Variants in NALCN observed in about 807,000 individuals in gnomAD.
NALCN encodes the protein sodium leak channel, non-selective.
NALCN carries 111 observed loss-of-function variants against 225.3 expected under a neutral mutation model. The observed-to-expected ratio is 0.49, with a 90% CI of 0.42 to 0.58. The LOEUF (loss-of-function observed/expected upper bound fraction) is 0.58, where lower values mean the gene tolerates loss of function less well. Ranked by LOEUF, NALCN falls within the 20% of genes least tolerant of loss-of-function variation. The probability of loss-of-function intolerance (pLI) is 0.00; values close to 1 mark genes in which losing one functional copy is unlikely to be tolerated. For missense variants in NALCN, 1,378 were observed against 2,202.4 expected, an observed-to-expected ratio of 0.63 and a Z score of 7.49; for synonymous variants, 764 against 769.0, an observed-to-expected ratio of 0.99 and a Z score of 0.11.
chr13:101,149,166 G>A lies in NALCN; in HGVS notation c.1840-4270C>T, dbSNP rs370266341. ...AAATTAGCTGGGCGTGGTGGCAGGC[G>A]CCTGTAGTCCCAGCTACTAGGGAGG... On this transcript the variant is annotated intron_variant, in intron 15 of 43. Coordinates refer to ENST00000251127, the MANE Select transcript of NALCN (RefSeq NM_052867.4). Among the ~76,000 whole-genome samples, 507 of 152,172 alleles carry A rather than the reference G, an allele frequency of 3.3e-3. 3 individuals are homozygous for A. Among genetic ancestry groups the A allele is most frequent in the African/African-American group, 0.011 (477 of 41,522 alleles).
intron 13 of NALCN, among the ~76,000 whole-genome samples, chr13:101,200,367 T>C (rs1194689016): frequency 6.6e-6 from 1 of 152,182 alleles, no homozygotes. Flanking sequence ...AAATCCAACC[T>C]TAGTCCTTGC....
Position 101,345,324 on chromosome 13 carries a change from G to T in NALCN, c.741C>A (p.Asp247Glu), listed in dbSNP as rs975027992. 1 of 1,613,694 alleles carries T rather than the reference G, an allele frequency of 6.2e-7. No individual in the cohort carries two copies. ...GCCTGCTAAGTCCCAGATCTTCAAG[G>T]TCCATGCATTTAAATCCAGGTGGGC... ...YQCPPGFKCMDLEDLGLSRQE... is the reference protein window; with the variant it reads ...YQCPPGFKCMELEDLGLSRQE... Residue 247 changes from aspartate (D) to glutamate (E), a missense_variant, in exon 7 of 44, where the codon GAC (aspartate) becomes GAA (glutamate). Physicochemically the swap from Asp to Glu is conservative, Grantham distance 45. Coordinates refer to ENST00000251127, the MANE Select transcript of NALCN (RefSeq NM_052867.4).
In NALCN at chr13:101,164,521, G is replaced by A. The variant is rs944883426; in HGVS notation, c.1839+11779C>T. On this transcript the variant is annotated intron_variant, in intron 15 of 43. Transcript: ENST00000251127. ...GCCCAGGTTGGTCTCCAACTACTGG[G>A]CTCAAGCGATCCTCCCACCTTGGCC... 5.3e-5 allele frequency among the ~76,000 whole-genome samples: 8 copies of A among 152,150 alleles called. 1 individual carries two copies. The highest frequency in any genetic ancestry group is 2.6e-4 in the Admixed American group (4 of 15,282).
chr13:101,175,692 G>C (rs1465046845), intron 15 of NALCN, among the ~76,000 whole-genome samples: 1 of 152,140 alleles, frequency 6.6e-6, no homozygotes, highest in East Asian at 1.9e-4. Context: ...TATCCTCCAT[G>C]CAACAGAAGC....
chr13:101,217,557 T>TA (rs1657561871), intron 13 of NALCN, among the ~76,000 whole-genome samples: 1 of 152,158 alleles, frequency 6.6e-6, no homozygotes, highest in Admixed American at 6.6e-5. Context: ...TATATACTGA[T>TA]AGAGTCCTAG....
intron 13 of NALCN, among the ~76,000 whole-genome samples, chr13:101,201,308 A>G (rs937660615): frequency 6.6e-6 from 1 of 152,206 alleles, no homozygotes. Context: ...TTTATCCCCA[A>G]AAGAAGCTAC....
intron 7 of NALCN, among the ~76,000 whole-genome samples, chr13:101,313,072 G>T (rs2044411322): frequency 6.6e-6 from 1 of 152,156 alleles, no homozygotes; most frequent in Admixed American, 6.5e-5. Flanking sequence ...ACAAAAACAA[G>T]AAATGGGGAA....
At chr13:101,130,889 C>T (rs1430613775) in intron 17 of NALCN, among the ~76,000 whole-genome samples, 2 of 152,068 alleles carry the variant, frequency 1.3e-5, no homozygotes, top group African/African-American at 4.8e-5. Context: ...TTTTATGTTT[C>T]AGAAAAGTTT....
At chr13:101,357,998 A>C (rs2046113685) in intron 6 of NALCN, among the ~76,000 whole-genome samples, 1 of 152,186 alleles carries the variant, frequency 6.6e-6, no homozygotes, top group Non-Finnish European at 1.5e-5. Context: ...GAAAACTAAA[A>C]CTGGACCCCT....
chr13:101,092,658 A>G (rs1362032974), intron 28 of NALCN, among the ~76,000 whole-genome samples: 1 of 152,102 alleles, frequency 6.6e-6, no homozygotes, highest in East Asian at 1.9e-4. Flanking sequence ...TTGTACCCTT[A>G]GCCTTTCTGT....
intron 15 of NALCN, among the ~76,000 whole-genome samples, chr13:101,165,223 A>G (rs1225426531): frequency 6.6e-6 from 1 of 152,198 alleles, no homozygotes; most frequent in Non-Finnish European, 1.5e-5. Context: ...TCAGCCAGCA[A>G]CCAGGTGGTC....
chr13:101,222,970 C>G (rs2041001596), intron 13 of NALCN, among the ~76,000 whole-genome samples: 1 of 152,122 alleles, frequency 6.6e-6, no homozygotes. Flanking sequence ...ACCAATCACC[C>G]AATTCCCCAA....
At chr13:101,279,640 C>G (rs563055190) in intron 10 of NALCN, among the ~76,000 whole-genome samples, 1 of 147,370 alleles carries the variant, frequency 6.8e-6, no homozygotes, top group African/African-American at 2.4e-5. Flanking sequence ...AACGGTGAAA[C>G]CCCGTCTCTA....
intron 7 of NALCN, among the ~76,000 whole-genome samples, chr13:101,295,022 T>C (rs1427287645): frequency 6.6e-6 from 1 of 152,124 alleles, no homozygotes. Flanking sequence ...AGAAGAGCCC[T>C]GGCAAGATAA....
Position 101,220,049 on chromosome 13 carries a change from G to A in NALCN, c.1626+9344C>T, listed in dbSNP as rs190783106. ...GATTCAGGGTGAGTGCCCTCCCCAA[G>A]CCTCCCATGTGCTTCCACACTTTAT... On this transcript the variant is annotated intron_variant, in intron 13 of 43. Transcript: ENST00000251127. Among the ~76,000 whole-genome samples the A allele has an allele frequency of 2.2e-3, 336 of 152,260 alleles. 2 individuals are homozygous for A. The highest frequency in any genetic ancestry group is 7.7e-3 in the African/African-American group (320 of 41,558).
At chr13:101,092,118 G>T (rs543265187) in intron 28 of NALCN, among the ~76,000 whole-genome samples, 1 of 152,202 alleles carries the variant, frequency 6.6e-6, no homozygotes, top group African/African-American at 2.4e-5. Flanking sequence ...TGAAAAGGTT[G>T]TCATTTTTTC....
At chr13:101,266,814 C>T (rs1409323271) in intron 10 of NALCN, among the ~76,000 whole-genome samples, 1 of 152,184 alleles carries the variant, frequency 6.6e-6, no homozygotes, top group African/African-American at 2.4e-5. Flanking sequence ...GCAAGTGGGA[C>T]ATCTTTTGCT....
At chr13:101,338,298 C>A (rs2045447506) in intron 7 of NALCN, among the ~76,000 whole-genome samples, 1 of 152,154 alleles carries the variant, frequency 6.6e-6, no homozygotes, top group South Asian at 2.1e-4. Context: ...GCTTCCTCTG[C>A]TATAAGCTGT....
chr13:101,407,617 G>GA (rs534992191), intron 1 of NALCN, among the ~76,000 whole-genome samples: 43 of 152,294 alleles, frequency 2.8e-4, no homozygotes, highest in Non-Finnish European at 5.1e-4. Flanking sequence ...ACACCTCTCT[G>GA]AAGTAGTTTT....
Sources: allele counts gnomAD v4.1 joint callset (sites outside exome capture counted in the v4.1 genomes callset), GRCh38; gene constraint gnomAD v4.1.1; transcripts MANE v1.5; gene names NCBI Gene and HGNC (gene_info 2026-07-23, HGNC 2026-07-21).